Variants in SDCCAG8 observed in about 807,000 individuals in gnomAD.
The protein encoded by SDCCAG8 is serologically defined colon cancer antigen 8.
Under a neutral mutation model 101.8 loss-of-function variants are expected in SDCCAG8, and 74 were observed. The ratio of observed to expected loss-of-function variants is 0.73; its 90% CI spans 0.60 to 0.88. The LOEUF (loss-of-function observed/expected upper bound fraction) is 0.88, where lower values mean the gene tolerates loss of function less well. Ranked by LOEUF, SDCCAG8 falls within the 40% of genes least tolerant of loss-of-function variation. The probability of loss-of-function intolerance (pLI) is 0.00; values close to 1 mark genes in which losing one functional copy is unlikely to be tolerated. For synonymous variants in SDCCAG8, 281 were observed against 292.9 expected, an observed-to-expected ratio of 0.96 and a Z score of 0.41; for missense variants, 787 against 822.6, an observed-to-expected ratio of 0.96 and a Z score of 0.53.
intron 16 of SDCCAG8, among the ~76,000 whole-genome samples, chr1:243,452,891 C>T (rs2083470832): frequency 6.6e-6 from 1 of 152,190 alleles, no homozygotes; most frequent in African/African-American, 2.4e-5. Context: ...CTTTAGCAGC[C>T]TCTCAAAACG....
rs778441055 is a variant in SDCCAG8, at chr1:243,378,754, A to G, written c.1507A>G (p.Ser503Gly). 1.4e-5 allele frequency: 22 copies of G among 1,614,092 alleles called. No homozygotes were observed. Among genetic ancestry groups the G allele is most frequent in the Non-Finnish European group, 1.8e-5 (21 of 1,179,974 alleles). Residue 503 changes from serine to glycine, a missense_variant, in exon 13 of 18, where the codon AGC becomes GGC. Ser to Gly is a moderately conservative substitution (Grantham distance 56). Coordinates refer to ENST00000366541, the MANE Select transcript of SDCCAG8 (RefSeq NM_006642.5). ...GAAATTGAGAATAGAACTGGATGAA[A>G]GCAAACAACACTTGGAACAGGAGCA... ...IEKLRIELDE[S>G]KQHLEQEQQK...
At chr1:243,346,536 T>C (rs1198923946) in intron 12 of SDCCAG8, among the ~76,000 whole-genome samples, 1 of 152,242 alleles carries the variant, frequency 6.6e-6, no homozygotes, top group African/African-American at 2.4e-5. Context: ...AACAGCTTTT[T>C]TGATGTATAC....
At chr1:243,447,275 A>C (rs960453321) in intron 16 of SDCCAG8, among the ~76,000 whole-genome samples, 1 of 151,198 alleles carries the variant, frequency 6.6e-6, no homozygotes, top group East Asian at 1.9e-4. Flanking sequence ...AAAAAAAAAA[A>C]ACCATGCCTC....
At chr1:243,394,093 G>A (rs1450648652) in intron 13 of SDCCAG8, among the ~76,000 whole-genome samples, 2 of 152,148 alleles carry the variant, frequency 1.3e-5, no homozygotes, top group East Asian at 1.9e-4. Context: ...TTAAAACGAC[G>A]ACTTTAACAA....
At position 243,340,959 on chromosome 1, in the gene SDCCAG8, G is replaced by A. The variant is rs187963084; in HGVS notation, c.1222-80G>A. 3.4e-5 allele frequency: 48 copies of A among 1,413,952 alleles called. No homozygotes were observed. The East Asian group carries it at 1.1e-3, about 32-fold the overall frequency. 87.6% of individuals were successfully genotyped at this position (1,413,952 alleles called of 1,614,324 possible). On this transcript the variant is annotated intron_variant, in intron 10 of 17. Coordinates refer to ENST00000366541, the MANE Select transcript of SDCCAG8 (RefSeq NM_006642.5). ...TCACAGAGCCCAGTGACTATGCTGA[G>A]ACGCTATTAATTCAAGAAAGTTTTA...
At chr1:243,331,054 C>T (rs1416708671) in intron 10 of SDCCAG8, among the ~76,000 whole-genome samples, 1 of 152,128 alleles carries the variant, frequency 6.6e-6, no homozygotes, top group Non-Finnish European at 1.5e-5. Flanking sequence ...AGATGACTTC[C>T]CCTGCATTAT....
chr1:243,408,161 C>T (rs2079915688), intron 13 of SDCCAG8, among the ~76,000 whole-genome samples: 1 of 152,178 alleles, frequency 6.6e-6, no homozygotes, highest in South Asian at 2.1e-4. Context: ...ATACTTAGTA[C>T]TTTCCGTCTT....
intron 16 of SDCCAG8, among the ~76,000 whole-genome samples, chr1:243,456,280 G>A (rs2083747403): frequency 1.3e-5 from 2 of 152,138 alleles, no homozygotes; most frequent in African/African-American, 2.4e-5. Context: ...GCCCTGGTTG[G>A]TAGGGAAATT....
intron 16 of SDCCAG8, among the ~76,000 whole-genome samples, chr1:243,473,919 CGGCGGGGGG>C (rs1489562557): frequency 8.7e-4 from 3 of 3,442 alleles, no homozygotes; most frequent in Admixed American, 3.4e-3. Flanking sequence ...GGAGAGTTGC[CGGCGGGGGG>C]GGGGGGGGGG....
chr1:243,350,919 A>G (rs2076048183), intron 12 of SDCCAG8, among the ~76,000 whole-genome samples: 1 of 152,232 alleles, frequency 6.6e-6, no homozygotes, highest in Non-Finnish European at 1.5e-5. Context: ...ACATCGTTGT[A>G]TCTTTTAAAA....
intron 12 of SDCCAG8, among the ~76,000 whole-genome samples, chr1:243,371,229 C>T (rs2077271407): frequency 6.6e-6 from 1 of 152,098 alleles, no homozygotes; most frequent in African/African-American, 2.4e-5. Flanking sequence ...TTTTAGAAGG[C>T]AGACTGTGTC....
At chr1:243,312,410 C>A (rs2072818629) in intron 8 of SDCCAG8, among the ~76,000 whole-genome samples, 1 of 152,068 alleles carries the variant, frequency 6.6e-6, no homozygotes, top group African/African-American at 2.4e-5. Flanking sequence ...ATTCATGAAA[C>A]AAGAATGGCT....
At chr1:243,282,018 C>T (rs918830604) in intron 4 of SDCCAG8, among the ~76,000 whole-genome samples, 4 of 152,048 alleles carry the variant, frequency 2.6e-5, no homozygotes, top group African/African-American at 4.8e-5. Context: ...GAGTCTCTCT[C>T]AGTCGCCCAG....
At chr1:243,399,286 T>G (rs912375559) in intron 13 of SDCCAG8, among the ~76,000 whole-genome samples, 3 of 152,146 alleles carry the variant, frequency 2.0e-5, no homozygotes, top group Non-Finnish European at 2.9e-5. Flanking sequence ...CATCCCACAT[T>G]ATACTTCTTT....
chr1:243,391,840 G>T (rs531267839), intron 13 of SDCCAG8, among the ~76,000 whole-genome samples: 1 of 152,340 alleles, frequency 6.6e-6, no homozygotes, highest in South Asian at 2.1e-4. Flanking sequence ...AGGTGGGGGT[G>T]GTAGGCGGTC....
intron 5 of SDCCAG8, among the ~76,000 whole-genome samples, chr1:243,289,842 T>C (rs1227754925): frequency 6.6e-6 from 1 of 152,116 alleles, no homozygotes; most frequent in African/African-American, 2.4e-5. Context: ...AAGTTTTCCC[T>C]GGCAGAAAAG....
At chr1:243,428,053 C>T (rs1029305886) in intron 16 of SDCCAG8, among the ~76,000 whole-genome samples, 6 of 152,336 alleles carry the variant, frequency 3.9e-5, no homozygotes, top group Non-Finnish European at 8.8e-5. Context: ...GCCTTTGCCC[C>T]AGTCCTGTGC....
intron 13 of SDCCAG8, among the ~76,000 whole-genome samples, chr1:243,390,043 G>A (rs2078607084): frequency 6.6e-6 from 1 of 152,126 alleles, no homozygotes; most frequent in Non-Finnish European, 1.5e-5. Context: ...CTCATCTTAA[G>A]ATAACAACAA....
At chr1:243,380,771 G>A (rs2077896762) in intron 13 of SDCCAG8, among the ~76,000 whole-genome samples, 1 of 151,772 alleles carries the variant, frequency 6.6e-6, no homozygotes, top group Non-Finnish European at 1.5e-5. Flanking sequence ...TCTAAGTGCG[G>A]TACTCTTTTG....
Sources: gnomAD v4.1 joint callset for allele counts (sites outside exome capture counted in the v4.1 genomes callset) on GRCh38, gnomAD v4.1.1 for gene constraint, MANE v1.5 for transcripts, NCBI Gene and HGNC (gene_info 2026-07-23, HGNC 2026-07-21) for gene names.